The following FBXO4 variants were observed in gnomAD, a reference collection of about 807,000 sequenced individuals.
FBXO4 encodes F-box only protein 4.
A neutral mutation model predicts 43.7 loss-of-function variants in FBXO4; 36 were observed. That is an observed-to-expected ratio of 0.82 (90% CI 0.63 to 1.09). The LOEUF (loss-of-function observed/expected upper bound fraction) is 1.09, where lower values mean the gene tolerates loss of function less well. Among genes scored for constraint, FBXO4 ranks in the 50% least tolerant of loss-of-function variants. The pLI is 0.00. For missense variants in FBXO4, 435 were observed against 474.1 expected (o/e 0.92, Z 0.77); for synonymous variants, 180 against 165.6 (o/e 1.09, Z -0.67).
chr5:41,979,434 T>G, the FBXO4 span, among the ~76,000 whole-genome samples: 1 of 152,196 alleles, frequency 6.6e-6, no homozygotes, highest in Non-Finnish European at 1.5e-5. Flanking sequence ...ATTATGTTAT[T>G]AAAATTCTCA....
At chr5:42,002,954 G>T in the FBXO4 span, among the ~76,000 whole-genome samples, 2 of 152,130 alleles carry the variant, frequency 1.3e-5, no homozygotes, top group Non-Finnish European at 2.9e-5. Flanking sequence ...AGCACATTTA[G>T]ATTGTATTTC....
At chr5:42,039,790 T>C in the FBXO4 span, among the ~76,000 whole-genome samples, 1 of 152,108 alleles carries the variant, frequency 6.6e-6, no homozygotes, top group South Asian at 2.1e-4. Context: ...TGACTTTAAA[T>C]TAATAAAAAT....
the FBXO4 span, among the ~76,000 whole-genome samples, chr5:42,017,498 A>G: frequency 1.3e-4 from 20 of 151,890 alleles, no homozygotes; most frequent in African/African-American, 3.6e-4. Context: ...TTACTTGGGT[A>G]TATTGCATAA....
intron 1 of FBXO4, among the ~76,000 whole-genome samples, chr5:41,925,958 G>T (rs1387461029): frequency 1.3e-5 from 2 of 152,136 alleles, no homozygotes; most frequent in Admixed American, 1.3e-4. Flanking sequence ...AGAGGACATT[G>T]TGCCTGTGGC....
the FBXO4 span, among the ~76,000 whole-genome samples, chr5:41,972,014 C>T: frequency 6.6e-6 from 1 of 152,030 alleles, no homozygotes; most frequent in African/African-American, 2.4e-5. Context: ...GAAGCATTCC[C>T]CTTGAGAACA....
chr5:41,954,050 T>C, the FBXO4 span, among the ~76,000 whole-genome samples: 1 of 152,206 alleles, frequency 6.6e-6, no homozygotes, highest in Non-Finnish European at 1.5e-5. Context: ...TTGAGGTTAA[T>C]TACAGAATAT....
chr5:41,995,357 TC>T, the FBXO4 span, among the ~76,000 whole-genome samples: 1 of 151,950 alleles, frequency 6.6e-6, no homozygotes, highest in Non-Finnish European at 1.5e-5. Context: ...ATGGAAGAGG[TC>T]CAATATAATC....
chr5:41,985,524 A>G, the FBXO4 span, among the ~76,000 whole-genome samples: 1 of 152,196 alleles, frequency 6.6e-6, no homozygotes, highest in African/African-American at 2.4e-5. Context: ...AATAAAGTTT[A>G]AAGAATGAAA....
the FBXO4 span, among the ~76,000 whole-genome samples, chr5:42,001,730 C>T: frequency 6.6e-6 from 1 of 152,320 alleles, no homozygotes; most frequent in Admixed American, 6.5e-5. Flanking sequence ...CTCACTCTGT[C>T]ACCTAGGCTG....
At chr5:42,026,828 C>T in the FBXO4 span, among the ~76,000 whole-genome samples, 5 of 151,728 alleles carry the variant, frequency 3.3e-5, no homozygotes, top group Non-Finnish European at 7.4e-5. Context: ...TCCTTCATTC[C>T]GTTGATATGA....
At chr5:42,032,386 A>T in the FBXO4 span, among the ~76,000 whole-genome samples, 4 of 151,918 alleles carry the variant, frequency 2.6e-5, no homozygotes, top group Non-Finnish European at 5.9e-5. Flanking sequence ...TAGAATAAAA[A>T]CCTCAGAAGT....
At chr5:42,014,248 C>T in the FBXO4 span, among the ~76,000 whole-genome samples, 4 of 152,064 alleles carry the variant, frequency 2.6e-5, no homozygotes, top group Non-Finnish European at 4.4e-5. Flanking sequence ...ATTAAACATC[C>T]GCTACCCCCA....
chr5:41,972,220 T>C, the FBXO4 span, among the ~76,000 whole-genome samples: 1 of 152,234 alleles, frequency 6.6e-6, no homozygotes, highest in East Asian at 1.9e-4. Flanking sequence ...CCAAAGGCTC[T>C]TAGAACTGAC....
chr5:42,033,104 C>T, the FBXO4 span, among the ~76,000 whole-genome samples: 1 of 152,114 alleles, frequency 6.6e-6, no homozygotes, highest in Non-Finnish European at 1.5e-5. Context: ...AAACAAATTC[C>T]TCCCCACTGT....
chr5:41,943,543 G>A (rs1307786087), downstream of FBXO4, among the ~76,000 whole-genome samples: 1 of 151,900 alleles, frequency 6.6e-6, no homozygotes, highest in Non-Finnish European at 1.5e-5. Context: ...CAGTACTAAC[G>A]TTCTAAGAGT....
At chr5:42,029,283 A>T in the FBXO4 span, among the ~76,000 whole-genome samples, 1 of 152,040 alleles carries the variant, frequency 6.6e-6, no homozygotes, top group African/African-American at 2.4e-5. Flanking sequence ...CCTGGCCTGT[A>T]ATGTTTTTAC....
the FBXO4 span, among the ~76,000 whole-genome samples, chr5:41,957,195 T>C: frequency 6.6e-6 from 1 of 151,974 alleles, no homozygotes; most frequent in Non-Finnish European, 1.5e-5. Context: ...TCAATATTTA[T>C]TCTGGTCTAT....
At chr5:41,931,775 G>C (rs955431268) in intron 3 of FBXO4, among the ~76,000 whole-genome samples, 3 of 152,180 alleles carry the variant, frequency 2.0e-5, no homozygotes, top group Non-Finnish European at 4.4e-5. Flanking sequence ...GAAGATTGGA[G>C]ACAGGTGCTG....
the FBXO4 span, among the ~76,000 whole-genome samples, chr5:42,033,599 A>G: frequency 2.0e-5 from 3 of 151,476 alleles, no homozygotes; most frequent in Non-Finnish European, 4.4e-5. Context: ...CTGTGTTCAT[A>G]TGTCCTCACT....
Sources: gnomAD v4.1 joint callset for allele counts (sites outside exome capture counted in the v4.1 genomes callset) on GRCh38, gnomAD v4.1.1 for gene constraint, MANE v1.5 for transcripts, NCBI Gene and HGNC (gene_info 2026-07-23, HGNC 2026-07-21) for gene names.